ENOX1: variants seen among roughly 807,000 people sequenced by gnomAD.
The protein encoded by ENOX1 is candidate growth-related and time keeping constitutive hydroquinone (NADH) oxidase.
ENOX1 carries 42 observed loss-of-function variants against 82.5 expected under a neutral mutation model. The observed-to-expected ratio is 0.51, with a 90% CI of 0.40 to 0.66. The LOEUF (loss-of-function observed/expected upper bound fraction) is 0.66. Ranked by LOEUF, ENOX1 falls within the 30% of genes least tolerant of loss-of-function variation. ENOX1 has a pLI of 0.00. For missense variants in ENOX1, 608 were observed against 811.6 expected (o/e 0.75, Z 3.05); for synonymous variants, 271 against 282.2 (o/e 0.96, Z 0.40).
intron 2 of ENOX1, chr13:43,544,725 A>G (rs1052752902): frequency 6.6e-6 from 1 of 152,194 alleles, no homozygotes; most frequent in African/African-American, 2.4e-5. Context: ...AACTACAAAG[A>G]GAACAAAAGT....
At chr13:43,722,462 A>G (rs1006256451) in intron 1 of ENOX1, among the ~76,000 whole-genome samples, 1 of 152,212 alleles carries the variant, frequency 6.6e-6, no homozygotes, top group African/African-American at 2.4e-5. Flanking sequence ...TTTCCAAAGA[A>G]GTAAATGTGG....
intron 2 of ENOX1, among the ~76,000 whole-genome samples, chr13:43,579,890 A>G (rs2080625216): frequency 6.6e-6 from 1 of 152,216 alleles, no homozygotes; most frequent in African/African-American, 2.4e-5. Context: ...CTGGAAACCA[A>G]CTGACATTTC....
At chr13:43,288,932 G>A (rs1421539116) in intron 12 of ENOX1, among the ~76,000 whole-genome samples, 1 of 152,012 alleles carries the variant, frequency 6.6e-6, no homozygotes, top group Admixed American at 6.6e-5. Context: ...ACAACATCCA[G>A]GCTGAGAGTG....
intron 1 of ENOX1, among the ~76,000 whole-genome samples, chr13:43,698,873 G>A (rs552988290): frequency 1.4e-4 from 21 of 152,104 alleles, no homozygotes; most frequent in South Asian, 2.1e-4. Context: ...AACCTTTTGC[G>A]GAAAAAAAGG....
intron 12 of ENOX1, among the ~76,000 whole-genome samples, chr13:43,281,280 T>C (rs909969569): frequency 1.3e-5 from 2 of 152,198 alleles, no homozygotes; most frequent in Non-Finnish European, 2.9e-5. Context: ...TCTTAATACC[T>C]GCTGCTGAAA....
At position 43,570,089 on chromosome 13, in the gene ENOX1, A is replaced by C. The variant is rs917751356; in HGVS notation, c.-218-85937T>G. Among the ~76,000 whole-genome samples, 8 of 152,336 alleles carry C rather than the reference A, an allele frequency of 5.3e-5. No individual in the cohort carries two copies. In the South Asian group the frequency reaches 1.5e-3, roughly 28 times the overall value. On this transcript the variant is annotated intron_variant, in intron 2 of 16. Coordinates refer to ENST00000690772, the MANE Select transcript of ENOX1 (RefSeq NM_001347969.2). ...TTCAATATAACTGAGGATACCTTTA[A>C]GATTTTCCATTAGGGAGAAAAAGGG... is the stretch of plus-strand genomic sequence containing the variant.
At chr13:43,689,549 T>C (rs1318783959) in intron 1 of ENOX1, among the ~76,000 whole-genome samples, 1 of 152,138 alleles carries the variant, frequency 6.6e-6, no homozygotes, top group Non-Finnish European at 1.5e-5. Flanking sequence ...TAAGAGAAAA[T>C]GGCAAAATCA....
At chr13:43,541,827 T>C (rs946732835) in intron 2 of ENOX1, among the ~76,000 whole-genome samples, 4 of 152,192 alleles carry the variant, frequency 2.6e-5, no homozygotes, top group Non-Finnish European at 5.9e-5. Flanking sequence ...TGCATTCCAT[T>C]TAGGTTTTCA....
At chr13:43,300,575 G>A (rs1395447306) in intron 11 of ENOX1, among the ~76,000 whole-genome samples, 2 of 152,200 alleles carry the variant, frequency 1.3e-5, no homozygotes, top group African/African-American at 4.8e-5. Context: ...AACACTTGGG[G>A]CAAGAAGGAG....
At chr13:43,413,045 G>C in intron 3 of ENOX1, 57 bp from the exon 4 acceptor site, 1 of 1,403,438 alleles carries the variant, frequency 7.1e-7, no homozygotes, top group South Asian at 1.6e-5. Flanking sequence ...GAGATAAAAC[G>C]TCAAGGAACA....
chr13:43,344,721 C>T lies in ENOX1; in HGVS notation c.853G>A (p.Val285Met). 6.2e-7 allele frequency: 1 copy of T among 1,614,170 alleles called. No individual in the cohort carries two copies. Among genetic ancestry groups the T allele is most frequent in the Non-Finnish European group, 8.5e-7 (1 of 1,180,040 alleles). The stretch of plus-strand genomic sequence containing the variant: ...CCTCGTTCAATCCAGGAAAGCAGCA[C>T]TGTGATAGCCTCTGAAAACTTGCTA... Reference protein sequence around the residue: ...DDSKFSEAITVLLSWIERGEV... With the variant: ...DDSKFSEAITMLLSWIERGEV... The change falls in exon 9 of 17, where the codon GTG (valine) becomes ATG (methionine). Residue 285 changes from valine to methionine, a missense_variant. Physicochemically the swap from Val to Met is conservative, Grantham distance 21 (BLOSUM62 1). Coordinates refer to ENST00000690772, the MANE Select transcript of ENOX1 (RefSeq NM_001347969.2).
At chr13:43,363,050 G>A (rs1422486308) in intron 5 of ENOX1, among the ~76,000 whole-genome samples, 1 of 152,098 alleles carries the variant, frequency 6.6e-6, no homozygotes, top group Non-Finnish European at 1.5e-5. Context: ...ATATGGTACT[G>A]TTTGACTGGA....
chr13:43,568,998 C>G (rs1163792669), intron 2 of ENOX1, among the ~76,000 whole-genome samples: 1 of 151,878 alleles, frequency 6.6e-6, no homozygotes, highest in East Asian at 1.9e-4. Context: ...TGTAGGTAAT[C>G]AAAAAAATGT....
At chr13:43,763,332 C>G (rs772569607) in intron 1 of ENOX1, among the ~76,000 whole-genome samples, 3 of 152,124 alleles carry the variant, frequency 2.0e-5, no homozygotes, top group Non-Finnish European at 2.9e-5. Flanking sequence ...GTGTTCGTAC[C>G]GCATTTTCAC....
chr13:43,284,606 A>G (rs1044377883), intron 12 of ENOX1, among the ~76,000 whole-genome samples: 4 of 152,172 alleles, frequency 2.6e-5, no homozygotes, highest in African/African-American at 7.2e-5. Flanking sequence ...GAAGAAGAAA[A>G]TATGATAATT....
chr13:43,735,094 T>G (rs191140097), intron 1 of ENOX1, among the ~76,000 whole-genome samples: 1 of 152,120 alleles, frequency 6.6e-6, no homozygotes, highest in Admixed American at 6.5e-5. Context: ...GAAAAACCAG[T>G]TTTGTAAGAA....
At chr13:43,327,591 G>T (rs1566522689) in intron 9 of ENOX1, among the ~76,000 whole-genome samples, 1 of 152,182 alleles carries the variant, frequency 6.6e-6, no homozygotes, top group East Asian at 1.9e-4. Context: ...AGTTAAGAAG[G>T]CTCAGTTAAA....
chr13:43,249,640 GCTGAGTTTATGTTA>G (rs1174366283), intron 14 of ENOX1, among the ~76,000 whole-genome samples: 10 of 152,040 alleles, frequency 6.6e-5, no homozygotes, highest in African/African-American at 2.2e-4. Flanking sequence ...ATTTTCACCT[GCTGAGTTTATGTTA>G]CTGATGATAA....
chr13:43,652,132 G>T (rs185280237), intron 2 of ENOX1, among the ~76,000 whole-genome samples: 1 of 152,098 alleles, frequency 6.6e-6, no homozygotes, highest in Admixed American at 6.6e-5. Context: ...GCCTCTTCAG[G>T]TCTATACCTT....
Sources: allele counts gnomAD v4.1 joint callset (sites outside exome capture counted in the v4.1 genomes callset), GRCh38; gene constraint gnomAD v4.1.1; transcripts MANE v1.5; gene names NCBI Gene and HGNC (gene_info 2026-07-23, HGNC 2026-07-21).